LRRTM4: variants seen among roughly 807,000 people sequenced by gnomAD.
The protein encoded by LRRTM4 is leucine-rich repeat transmembrane neuronal protein 4.
Under a neutral mutation model 47.6 loss-of-function variants are expected in LRRTM4, and 25 were observed. That is an observed-to-expected ratio of 0.53 (90% CI 0.38 to 0.73). The LOEUF (loss-of-function observed/expected upper bound fraction) is 0.73. LRRTM4 is among the 30% of genes least tolerant of loss of function. The pLI, the probability that LRRTM4 is intolerant of heterozygous loss-of-function variation, is 0.00. For missense variants in LRRTM4, 638 were observed against 713.4 expected, an observed-to-expected ratio of 0.89 and a Z score of 1.20; for synonymous variants, 311 against 269.5, an observed-to-expected ratio of 1.15 and a Z score of -1.51.
In LRRTM4 at chr2:76,795,659, TATGA is replaced by T. The variant is rs925917942; in HGVS notation, c.1552-46747_1552-46744del. Reference sequence around the variant, plus strand: ...CAGGTTGACTCCATCTCTTGGCTATTATGAATAACATTTCAATGAACATGATGGG... The same window carrying T: ...CAGGTTGACTCCATCTCTTGGCTATTATAACATTTCAATGAACATGATGGG... On this transcript the variant is annotated intron_variant, in intron 3 of 3. Transcript: ENST00000409884. 1.5e-4 allele frequency among the ~76,000 whole-genome samples: 23 copies of T among 152,266 alleles called. No homozygotes were observed. The Middle Eastern group carries it at 0.01, about 68-fold the overall frequency.
intron 3 of LRRTM4, among the ~76,000 whole-genome samples, chr2:76,910,138 C>T (rs1323083241): frequency 6.6e-6 from 1 of 152,060 alleles, no homozygotes; most frequent in Non-Finnish European, 1.5e-5. Flanking sequence ...AAATGTGGCA[C>T]ATAGACACCA....
At chr2:76,764,305 A>C (rs1380795387) in intron 3 of LRRTM4, among the ~76,000 whole-genome samples, 2 of 152,242 alleles carry the variant, frequency 1.3e-5, no homozygotes, top group Non-Finnish European at 2.9e-5. Context: ...TAAGGCTGTG[A>C]CTGGACCATT....
At chr2:77,084,220 C>A (rs1238193029) in intron 3 of LRRTM4, among the ~76,000 whole-genome samples, 3 of 152,132 alleles carry the variant, frequency 2.0e-5, no homozygotes, top group Non-Finnish European at 4.4e-5. Flanking sequence ...AGAAAATTGA[C>A]CTTGTCTTTC....
chr2:76,946,917 C>G (rs892796494), intron 3 of LRRTM4, among the ~76,000 whole-genome samples: 1 of 151,780 alleles, frequency 6.6e-6, no homozygotes, highest in African/African-American at 2.4e-5. Flanking sequence ...GCACACTTGT[C>G]ATACACAGCT....
chr2:76,842,852 T>C (rs1436534340), intron 3 of LRRTM4, among the ~76,000 whole-genome samples: 1 of 152,194 alleles, frequency 6.6e-6, no homozygotes, highest in Non-Finnish European at 1.5e-5. Context: ...AACCTCCAAT[T>C]TTCTTATGAG....
intron 3 of LRRTM4, among the ~76,000 whole-genome samples, chr2:77,398,705 A>C (rs1342396426): frequency 6.6e-6 from 1 of 151,882 alleles, no homozygotes; most frequent in African/African-American, 2.4e-5. Context: ...ACTTACATTA[A>C]GTATACCCTG....
intron 3 of LRRTM4, among the ~76,000 whole-genome samples, chr2:77,116,465 T>G (rs1671391924): frequency 6.6e-6 from 1 of 152,140 alleles, no homozygotes; most frequent in Non-Finnish European, 1.5e-5. Context: ...ATAAAATCAT[T>G]GCAGTTTAAG....
chr2:77,092,280 C>G (rs1163747740), intron 3 of LRRTM4, among the ~76,000 whole-genome samples: 1 of 152,024 alleles, frequency 6.6e-6, no homozygotes, highest in Non-Finnish European at 1.5e-5. Context: ...GACTGTATCT[C>G]TGTGATCCAC....
At chr2:77,224,351 A>C (rs1194593706) in intron 3 of LRRTM4, among the ~76,000 whole-genome samples, 1 of 152,142 alleles carries the variant, frequency 6.6e-6, no homozygotes, top group Non-Finnish European at 1.5e-5. Context: ...AAAGCCAAAA[A>C]TGACAAATGG....
Position 76,858,444 on chromosome 2 carries a change from T to G in LRRTM4, c.1552-109528A>C, listed in dbSNP as rs368389698. Among the ~76,000 whole-genome samples the G allele has an allele frequency of 1.1e-4, 16 of 152,282 alleles. No individual in the cohort carries two copies. The South Asian group carries it at 1.9e-3, about 18-fold the overall frequency. On this transcript the variant is annotated intron_variant, in intron 3 of 3. Coordinates refer to ENST00000409884, the MANE Select transcript of LRRTM4 (RefSeq NM_001134745.3). ...ACTATCTCACAGGTTCTCCTGCTTCTTGGGCTTTTGGATTCAGATTGGAAC... is the reference window on the plus strand; with the variant it reads ...ACTATCTCACAGGTTCTCCTGCTTCGTGGGCTTTTGGATTCAGATTGGAAC...
intron 3 of LRRTM4, among the ~76,000 whole-genome samples, chr2:77,013,426 C>T (rs891029891): frequency 2.0e-5 from 3 of 151,734 alleles, no homozygotes; most frequent in South Asian, 4.1e-4. Context: ...GAGGGAAAAT[C>T]GCCTTGTAAT....
chr2:77,312,324 T>C (rs1404650295), intron 3 of LRRTM4, among the ~76,000 whole-genome samples: 1 of 152,188 alleles, frequency 6.6e-6, no homozygotes, highest in Non-Finnish European at 1.5e-5. Context: ...ATTGTTTCAA[T>C]GACTGAAAAA....
chr2:77,431,819 T>C (rs62162579), intron 3 of LRRTM4, among the ~76,000 whole-genome samples: 9,240 of 148,988 alleles, frequency 0.062, 504 homozygotes, highest in Non-Finnish European at 0.09. Flanking sequence ...CTCATACCTG[T>C]AATCCCAGCA....
intron 3 of LRRTM4, among the ~76,000 whole-genome samples, chr2:76,909,326 CTT>C (rs1443836495): frequency 3.7e-4 from 56 of 152,256 alleles, no homozygotes; most frequent in Admixed American, 5.9e-4. Context: ...TTCCTTACAC[CTT>C]ATACAAAAAT....
intron 3 of LRRTM4, among the ~76,000 whole-genome samples, chr2:77,245,602 A>G (rs1675423850): frequency 2.1e-5 from 3 of 141,768 alleles, no homozygotes; most frequent in African/African-American, 8.0e-5. Context: ...ACCAAAAAAC[A>G]GCTAGGATTC....
Position 77,198,262 on chromosome 2 carries a change from G to A in LRRTM4, c.1551+320056C>T, listed in dbSNP as rs141688259. On this transcript the variant is annotated intron_variant, in intron 3 of 3. Coordinates refer to ENST00000409884, the MANE Select transcript of LRRTM4 (RefSeq NM_001134745.3). ...AATGATCCAGTGCTCTGACCTGGGC[G>A]TGACACATGTCATACCTTCCACCAC... Among the ~76,000 whole-genome samples, 24 of 152,244 alleles carry A rather than the reference G, an allele frequency of 1.6e-4. No individual in the cohort carries two copies. In the East Asian group the frequency reaches 4.3e-3, roughly 27 times the overall value.
chr2:77,086,603 A>C (rs1680724786), intron 3 of LRRTM4, among the ~76,000 whole-genome samples: 1 of 150,928 alleles, frequency 6.6e-6, no homozygotes, highest in South Asian at 2.1e-4. Context: ...TAGCCTCCTG[A>C]GTAGCTAGGA....
At chr2:77,249,288 T>G (rs150979863) in intron 3 of LRRTM4, among the ~76,000 whole-genome samples, 1 of 152,062 alleles carries the variant, frequency 6.6e-6, no homozygotes, top group East Asian at 1.9e-4. Context: ...AGGCAGAGGT[T>G]GCAGTGAGCC....
At chr2:77,422,353 A>T (rs1446403798) in intron 3 of LRRTM4, among the ~76,000 whole-genome samples, 1 of 152,228 alleles carries the variant, frequency 6.6e-6, no homozygotes, top group Non-Finnish European at 1.5e-5. Context: ...GCAAAACACC[A>T]TATAAGCCAT....
Sources: gnomAD v4.1 joint callset for allele counts (sites outside exome capture counted in the v4.1 genomes callset) on GRCh38, gnomAD v4.1.1 for gene constraint, MANE v1.5 for transcripts, NCBI Gene and HGNC (gene_info 2026-07-23, HGNC 2026-07-21) for gene names.